The following CFAP221 variants were observed in gnomAD, a reference collection of about 807,000 sequenced individuals.
CFAP221 encodes cilia- and flagella-associated protein 221.
A neutral mutation model predicts 113.1 loss-of-function variants in CFAP221; 97 were observed. The observed-to-expected ratio is 0.86, with a 90% CI of 0.73 to 1.02. CFAP221 has a LOEUF of 1.02. Ranked by LOEUF, CFAP221 falls within the 50% of genes least tolerant of loss-of-function variation. CFAP221 has a pLI of 0.00. For missense variants in CFAP221, 1,025 were observed against 1,013.4 expected, an observed-to-expected ratio of 1.01 and a Z score of -0.16; for synonymous variants, 331 against 354.4, an observed-to-expected ratio of 0.93 and a Z score of 0.74.
downstream of CFAP221, among the ~76,000 whole-genome samples, chr2:119,657,579 C>T (rs1358726235): frequency 6.6e-6 from 1 of 152,220 alleles, no homozygotes; most frequent in East Asian, 1.9e-4. Flanking sequence ...CTATATTTTA[C>T]TCAGATTCCT....
chr2:119,618,899 G>A (rs1231851853), intron 14 of CFAP221, among the ~76,000 whole-genome samples: 1 of 152,182 alleles, frequency 6.6e-6, no homozygotes, highest in East Asian at 1.9e-4. Context: ...AGCTTGGTGG[G>A]GGGAGGGGCG....
chr2:119,548,990 C>A, intron 2 of CFAP221, 95 bp from the exon 3 acceptor site: 2 of 770,882 alleles, frequency 2.6e-6, no homozygotes, highest in Non-Finnish European at 1.9e-6. Flanking sequence ...GCTTAAAATG[C>A]CCTAAATTAA....
chr2:119,630,795 C>T lies in CFAP221; in HGVS notation c.1868C>T (p.Pro623Leu), dbSNP rs551957337. 20 of 1,612,444 alleles carry T rather than the reference C, an allele frequency of 1.2e-5. No homozygotes were observed. The highest frequency in any genetic ancestry group is 1.2e-4 in the South Asian group (11 of 90,998). The change falls in exon 19 of 24, where the codon CCG (proline) becomes CTG (leucine). Residue 623 changes from proline to leucine, a missense_variant. Coordinates refer to ENST00000413369, the MANE Select transcript of CFAP221 (RefSeq NM_001271049.2). ...GAAGTCACCACCATCACAGCCCTTC[C>T]GAAACAGGACTCCACAACTCAGCTC... ...EDEVTTITAL[P>L]KQDSTTQLSG...
At chr2:119,571,050 A>G (rs907414866) in intron 6 of CFAP221, among the ~76,000 whole-genome samples, 16 of 152,098 alleles carry the variant, frequency 1.1e-4, no homozygotes, top group Admixed American at 5.2e-4. Context: ...AGCCTGGCCA[A>G]CATGGTGAAA....
chr2:119,558,122 C>T (rs1004981202), intron 3 of CFAP221, among the ~76,000 whole-genome samples: 3 of 151,848 alleles, frequency 2.0e-5, no homozygotes, highest in African/African-American at 7.2e-5. Context: ...ACCACTTCCA[C>T]TTCCAGCTCT....
At position 119,605,078 on chromosome 2, in the gene CFAP221, C is replaced by T; in HGVS notation, c.1024+91C>T. The stretch of plus-strand genomic sequence containing the variant: ...CTGATTACCTATGAACAACAAAATT[C>T]AGTTAGATTGCTGTTATGCCTCGCC... On this transcript the variant is annotated intron_variant, in intron 10 of 23. Coordinates refer to ENST00000413369, the MANE Select transcript of CFAP221 (RefSeq NM_001271049.2). 4 of 1,467,314 alleles carry T rather than the reference C, an allele frequency of 2.7e-6. No individual in the cohort carries two copies. In the East Asian group the frequency reaches 9.1e-5, roughly 33 times the overall value. 90.9% of individuals were successfully genotyped at this position (1,467,314 alleles called of 1,614,324 possible).
At chr2:119,659,155 A>T (rs1688540010), downstream of CFAP221, among the ~76,000 whole-genome samples, 1 of 152,086 alleles carries the variant, frequency 6.6e-6, no homozygotes, top group African/African-American at 2.4e-5. Flanking sequence ...GTATTACCTT[A>T]TGTGTTGCTT....
chr2:119,601,168 G>T, intron 7 of CFAP221, 50 bp from the exon 8 acceptor site: 1 of 1,442,368 alleles, frequency 6.9e-7, no homozygotes, highest in South Asian at 1.5e-5. Context: ...CATGTGACTG[G>T]ACTTGGCAAG....
At chr2:119,652,938 A>G (rs901137503) in intron 23 of CFAP221, among the ~76,000 whole-genome samples, 1 of 148,446 alleles carries the variant, frequency 6.7e-6, no homozygotes, top group Non-Finnish European at 1.5e-5. Context: ...AAAAATATGG[A>G]TATATATTTA....
chr2:119,598,194 C>CT, intron 7 of CFAP221, among the ~76,000 whole-genome samples: 1 of 152,222 alleles, frequency 6.6e-6, no homozygotes, highest in African/African-American at 2.4e-5. Context: ...ACTGTCTGGA[C>CT]ATGGGAAAGA....
chr2:119,562,095 A>C lies in CFAP221; in HGVS notation c.508A>C (p.Asn170His), dbSNP rs1574003740. 2.0e-6 allele frequency: 3 copies of C among 1,533,980 alleles called. No individual in the cohort carries two copies. The highest frequency in any genetic ancestry group is 8.7e-7 in the Non-Finnish European group (1 of 1,145,364). Reference sequence around the variant, plus strand: ...CTTTCCTTCATTTATAAATCTGTCAAATGTTCTACTTGGTGAAAGGTGAGT... The same window carrying C: ...CTTTCCTTCATTTATAAATCTGTCACATGTTCTACTTGGTGAAAGGTGAGT... ...LDFPSFINLS[N>H]VLLGESKTYV... Residue 170 changes from asparagine (N) to histidine (H), a missense_variant, in exon 6 of 24, where the codon AAT becomes CAT. By Grantham distance (68) the Asn-to-His change is moderately conservative. Coordinates refer to ENST00000413369, the MANE Select transcript of CFAP221 (RefSeq NM_001271049.2).
chr2:119,613,185 T>G (rs1685299228), intron 13 of CFAP221, among the ~76,000 whole-genome samples: 1 of 152,226 alleles, frequency 6.6e-6, no homozygotes, highest in Admixed American at 6.5e-5. Context: ...CTTTGCAGGG[T>G]ACAGCCTCCC....
intron 21 of CFAP221, among the ~76,000 whole-genome samples, chr2:119,644,650 C>G (rs562605888): frequency 2.0e-5 from 3 of 152,088 alleles, no homozygotes; most frequent in African/African-American, 7.2e-5. Context: ...ATTCAGCAGA[C>G]AAAGTCAGGG....
intron 2 of CFAP221, among the ~76,000 whole-genome samples, chr2:119,546,965 A>G (rs1680093590): frequency 6.6e-6 from 1 of 152,216 alleles, no homozygotes; most frequent in Non-Finnish European, 1.5e-5. Context: ...CTCTTGGAGA[A>G]GGTGAAACTC....
downstream of CFAP221, among the ~76,000 whole-genome samples, chr2:119,659,943 C>G (rs1688557431): frequency 6.6e-6 from 1 of 152,236 alleles, no homozygotes; most frequent in Admixed American, 6.5e-5. Context: ...CCATGCTGTG[C>G]ACATCACTTC....
At chr2:119,558,948 G>C (rs2104532497) in intron 3 of CFAP221, among the ~76,000 whole-genome samples, 1 of 152,318 alleles carries the variant, frequency 6.6e-6, no homozygotes, top group Non-Finnish European at 1.5e-5. Context: ...TCAAGCAATG[G>C]GACTTCCAAG....
intron 7 of CFAP221, among the ~76,000 whole-genome samples, 175 bp from the exon 8 acceptor site, chr2:119,601,043 G>T (rs1041230760): frequency 6.6e-6 from 1 of 152,160 alleles, no homozygotes; most frequent in African/African-American, 2.4e-5. Context: ...GTCAACTGTA[G>T]GCTATTAAGT....
chr2:119,599,889 A>T (rs535598261), intron 7 of CFAP221, among the ~76,000 whole-genome samples: 1 of 152,300 alleles, frequency 6.6e-6, no homozygotes, highest in South Asian at 2.1e-4. Flanking sequence ...TTAAGTGCTT[A>T]TTAAGTAAGC....
intron 6 of CFAP221, among the ~76,000 whole-genome samples, chr2:119,577,618 C>T (rs1275825494): frequency 3.3e-5 from 5 of 152,218 alleles, no homozygotes; most frequent in Non-Finnish European, 7.4e-5. Context: ...TGACCTTGGA[C>T]CTCTCTATAG....
Sources: allele counts gnomAD v4.1 joint callset (sites outside exome capture counted in the v4.1 genomes callset), GRCh38; gene constraint gnomAD v4.1.1; transcripts MANE v1.5; gene names NCBI Gene and HGNC (gene_info 2026-07-23, HGNC 2026-07-21).